SNTG2: variants seen among roughly 807,000 people sequenced by gnomAD.
The protein encoded by SNTG2 is syntrophin gamma 2.
SNTG2 carries 74 observed loss-of-function variants against 70.9 expected under a neutral mutation model. The ratio of observed to expected loss-of-function variants is 1.04; its 90% CI spans 0.86 to 1.27. The LOEUF (loss-of-function observed/expected upper bound fraction) is 1.27. Among genes scored for constraint, SNTG2 ranks in the 50% most tolerant of loss-of-function variants. The pLI, the probability that SNTG2 is intolerant of heterozygous loss-of-function variation, is 0.00. For missense variants in SNTG2, 717 were observed against 690.7 expected, an observed-to-expected ratio of 1.04 and a Z score of -0.43; for synonymous variants, 278 against 273.8, an observed-to-expected ratio of 1.02 and a Z score of -0.15.
chr2:1,127,984 GTAC>G (rs1667802155), intron 4 of SNTG2, among the ~76,000 whole-genome samples: 1 of 152,110 alleles, frequency 6.6e-6, no homozygotes, highest in Admixed American at 6.5e-5. Flanking sequence ...AGGACTTCCA[GTAC>G]TATGTTGAGT....
At chr2:1,186,143 C>T (rs1027801861) in intron 8 of SNTG2, among the ~76,000 whole-genome samples, 4 of 106,064 alleles carry the variant, frequency 3.8e-5, no homozygotes, top group African/African-American at 1.5e-4. Flanking sequence ...AGCAGGGGCA[C>T]AATGCCTCCA....
chr2:1,175,717 A>G (rs540575158), intron 8 of SNTG2, among the ~76,000 whole-genome samples: 35 of 152,262 alleles, frequency 2.3e-4, no homozygotes, highest in African/African-American at 6.5e-4. Context: ...GCAGGGAGAA[A>G]CTGTCCTCCT....
At chr2:1,269,595 C>A (rs1678914862) in intron 14 of SNTG2, among the ~76,000 whole-genome samples, 1 of 152,054 alleles carries the variant, frequency 6.6e-6, no homozygotes, top group Non-Finnish European at 1.5e-5. Flanking sequence ...GACATCTTTC[C>A]TAGAGGAAGT....
At chr2:1,197,527 G>GTATGTATATATGTGTATGTATATATA (rs57293269) in intron 8 of SNTG2, among the ~76,000 whole-genome samples, 6 of 96,744 alleles carry the variant, frequency 6.2e-5, no homozygotes, top group South Asian at 3.7e-4. Context: ...GTGTGTGTGT[G>GTATGTATATATGTGTATGTATATATA]TGTGTGTGTG....
intron 12 of SNTG2, among the ~76,000 whole-genome samples, chr2:1,251,646 CCACA>C (rs1677775034): frequency 6.8e-6 from 1 of 146,444 alleles, no homozygotes; most frequent in Non-Finnish European, 1.5e-5. Context: ...CACACAAACC[CCACA>C]CACACCACAC....
At chr2:953,174 G>A (rs1378553483) in intron 1 of SNTG2, among the ~76,000 whole-genome samples, 1 of 152,134 alleles carries the variant, frequency 6.6e-6, no homozygotes, top group Non-Finnish European at 1.5e-5. Context: ...GCCTGTTCCC[G>A]ATGTTTTTTT....
chr2:1,074,571 G>T (rs1002704265), intron 1 of SNTG2, among the ~76,000 whole-genome samples: 1 of 152,148 alleles, frequency 6.6e-6, no homozygotes, highest in Admixed American at 6.5e-5. Flanking sequence ...AAAATGAAAA[G>T]ATAAGACTAT....
intron 16 of SNTG2, among the ~76,000 whole-genome samples, chr2:1,358,204 A>G (rs1433290234): frequency 6.6e-6 from 1 of 152,126 alleles, no homozygotes; most frequent in African/African-American, 2.4e-5. Context: ...TACTCCAAGT[A>G]TGATTTTATT....
chr2:1,200,643 A>G (rs1457717138), intron 8 of SNTG2, among the ~76,000 whole-genome samples: 1 of 152,098 alleles, frequency 6.6e-6, no homozygotes, highest in African/African-American at 2.4e-5. Context: ...ACTAATATCC[A>G]GAATATACAA....
At chr2:1,270,422 A>T (rs1490802094) in intron 14 of SNTG2, among the ~76,000 whole-genome samples, 3 of 152,234 alleles carry the variant, frequency 2.0e-5, no homozygotes, top group African/African-American at 7.2e-5. Flanking sequence ...CATTGCACGT[A>T]CATCATTTAA....
chr2:1,186,489 A>G (rs1000548432), intron 8 of SNTG2, among the ~76,000 whole-genome samples: 3 of 152,150 alleles, frequency 2.0e-5, no homozygotes, highest in Non-Finnish European at 4.4e-5. Context: ...AAACTGGGTA[A>G]TTTATCAAGA....
chr2:1,263,640 G>A (rs1246816043), intron 13 of SNTG2, among the ~76,000 whole-genome samples: 2 of 152,166 alleles, frequency 1.3e-5, no homozygotes, highest in African/African-American at 2.4e-5. Flanking sequence ...AAGCCAGGTA[G>A]CTGCAAAGCA....
At chr2:1,234,137 C>T (rs1676452349) in intron 9 of SNTG2, among the ~76,000 whole-genome samples, 1 of 152,106 alleles carries the variant, frequency 6.6e-6, no homozygotes, top group South Asian at 2.1e-4. Context: ...ACGGAGGAAA[C>T]TCGGAGGAAA....
At chr2:997,259 G>T (rs368730130) in intron 1 of SNTG2, among the ~76,000 whole-genome samples, 4 of 152,176 alleles carry the variant, frequency 2.6e-5, no homozygotes, top group South Asian at 4.1e-4. Flanking sequence ...CTCTAAGCAC[G>T]TGGCTTATGA....
intron 14 of SNTG2, among the ~76,000 whole-genome samples, chr2:1,286,019 A>G (rs1306379190): frequency 1.3e-5 from 2 of 152,236 alleles, no homozygotes; most frequent in Admixed American, 6.5e-5. Flanking sequence ...CGCCCCAGCC[A>G]ACACTGTAAC....
chr2:966,943 T>C (rs1660587576), intron 1 of SNTG2, among the ~76,000 whole-genome samples: 1 of 146,038 alleles, frequency 6.8e-6, no homozygotes, highest in Admixed American at 7.2e-5. Context: ...CAAGACTCTG[T>C]CTCAAACAAA....
chr2:1,288,767 T>G (rs2148218122), intron 14 of SNTG2, among the ~76,000 whole-genome samples: 1 of 152,278 alleles, frequency 6.6e-6, no homozygotes, highest in Non-Finnish European at 1.5e-5. Flanking sequence ...CATGTACACA[T>G]GCACACTCAT....
chr2:1,062,948 G>C (rs1156373398), intron 1 of SNTG2, among the ~76,000 whole-genome samples: 1 of 152,024 alleles, frequency 6.6e-6, no homozygotes, highest in African/African-American at 2.4e-5. Flanking sequence ...GCATATTTTT[G>C]TTTCTTTGCT....
At chr2:1,203,690 A>ATATATATATATATG (rs150383929) in intron 8 of SNTG2, among the ~76,000 whole-genome samples, 5 of 141,304 alleles carry the variant, frequency 3.5e-5, no homozygotes, top group African/African-American at 1.3e-4. Flanking sequence ...ATATATATAT[A>ATATATATATATATG]TGTGTGTGTG....
Sources: gnomAD v4.1 joint callset for allele counts (sites outside exome capture counted in the v4.1 genomes callset) on GRCh38, gnomAD v4.1.1 for gene constraint, MANE v1.5 for transcripts, NCBI Gene and HGNC (gene_info 2026-07-23, HGNC 2026-07-21) for gene names.